DYNC2I1: variants seen among roughly 807,000 people sequenced by gnomAD.
DYNC2I1 encodes the protein dynein 2 intermediate chain 1.
A neutral mutation model predicts 133.4 loss-of-function variants in DYNC2I1; 89 were observed. The observed-to-expected ratio is 0.67, with a 90% CI of 0.56 to 0.80. DYNC2I1 has a LOEUF of 0.80. DYNC2I1 is among the 30% of genes least tolerant of loss of function. The probability of loss-of-function intolerance (pLI) is 0.00; values close to 1 mark genes in which losing one functional copy is unlikely to be tolerated. For missense variants in DYNC2I1, 1,291 were observed against 1,314.5 expected, an observed-to-expected ratio of 0.98 and a Z score of 0.28; for synonymous variants, 504 against 484.3, an observed-to-expected ratio of 1.04 and a Z score of -0.54.
In DYNC2I1 at chr7:158,945,931, TC is replaced by T; in HGVS notation, c.*155del. On this transcript the variant is annotated 3_prime_UTR_variant, in exon 25 of 25. Transcript: ENST00000407559. This position sits in a 1 kb window ranked among gnomAD's most constrained non-coding sequence, Gnocchi z 4.1. ...TTTTACATGAATATGTCTTTGGTAT[TC>T]CCAGTAAATAGATGACTACTTTTGA... 1 of 744,248 alleles carries T rather than the reference TC, an allele frequency of 1.3e-6. No individual in the cohort carries two copies. Among genetic ancestry groups the T allele is most frequent in the Non-Finnish European group, 1.9e-6 (1 of 523,102 alleles). 46.1% of individuals were successfully genotyped at this position (744,248 alleles called of 1,614,324 possible).
chr7:158,887,135 C>T lies in DYNC2I1; in HGVS notation c.990+60C>T, dbSNP rs370611150. 2.4e-3 allele frequency: 3,633 copies of T among 1,545,560 alleles called. 9 individuals are homozygous for T. Among genetic ancestry groups the T allele is most frequent in the Non-Finnish European group, 2.8e-3 (3,110 of 1,120,844 alleles). ...ATGGTACATTGAGATTAACCATAAT[C>T]TTACTTTGGGCTTCCCCTTGAAACC... On this transcript the variant is annotated intron_variant, in intron 7 of 24. Coordinates refer to ENST00000407559, the MANE Select transcript of DYNC2I1 (RefSeq NM_018051.5).
Position 158,942,219 on chromosome 7 carries a change from T to G in DYNC2I1, c.3002+71T>G, listed in dbSNP as rs991601292. The G allele has an allele frequency of 4.0e-6, 5 of 1,254,178 alleles. No homozygotes were observed. In the African/African-American group the frequency reaches 7.6e-5, roughly 19 times the overall value. 77.7% of individuals were successfully genotyped at this position (1,254,178 alleles called of 1,614,324 possible). On this transcript the variant is annotated intron_variant, in intron 24 of 24. Coordinates refer to ENST00000407559, the MANE Select transcript of DYNC2I1 (RefSeq NM_018051.5). ...CGGCCACGGGTGCCACTTACGGTCT[T>G]TCTTCATTAATTTTTGCATGAGGCT...
At chr7:158,858,678 T>C (rs1417964075) in intron 1 of DYNC2I1, among the ~76,000 whole-genome samples, 1 of 152,156 alleles carries the variant, frequency 6.6e-6, no homozygotes, top group Admixed American at 6.5e-5. Flanking sequence ...AATTGTTTTC[T>C]AGACATGCAC....
intron 20 of DYNC2I1, 43 bp from the exon 21 acceptor site, chr7:158,930,412 C>T: frequency 1.3e-6 from 2 of 1,549,980 alleles, no homozygotes; most frequent in Non-Finnish European, 1.8e-6. Context: ...TTTGATTTAG[C>T]TTCTATTGAA....
At chr7:158,910,437 G>T (rs116503514) in intron 11 of DYNC2I1, among the ~76,000 whole-genome samples, 2,115 of 148,926 alleles carry the variant, frequency 0.014, 45 homozygotes, top group African/African-American at 0.05. Flanking sequence ...TCAGGCCTGT[G>T]GGCCGAGGGC....
At chr7:158,953,187 CCCT>C (rs1477131917) in intron 4 of DYNC2I1, among the ~76,000 whole-genome samples, 3 of 126,770 alleles carry the variant, frequency 2.4e-5, no homozygotes, top group African/African-American at 8.6e-5. Flanking sequence ...ACCCTCCTCG[CCCT>C]CCTCTCCTAA....
chr7:158,883,125 G>A (rs566865676), intron 5 of DYNC2I1, among the ~76,000 whole-genome samples: 2 of 151,826 alleles, frequency 1.3e-5, no homozygotes, highest in East Asian at 3.9e-4. Flanking sequence ...TAATAATTAC[G>A]CCAGGACAAC....
At chr7:158,848,694 G>T in the DYNC2I1 span, among the ~76,000 whole-genome samples, 1 of 152,138 alleles carries the variant, frequency 6.6e-6, no homozygotes, top group Non-Finnish European at 1.5e-5. Context: ...GGAGGCCGAG[G>T]CGGGCGGATC....
intron 9 of DYNC2I1, among the ~76,000 whole-genome samples, chr7:158,902,167 G>A (rs1177319725): frequency 6.6e-6 from 1 of 152,186 alleles, no homozygotes; most frequent in Non-Finnish European, 1.5e-5. Flanking sequence ...GTTCTGTATT[G>A]TGTGATTTAT....
intron 11 of DYNC2I1, among the ~76,000 whole-genome samples, chr7:158,909,319 A>C (rs1847148636): frequency 7.0e-6 from 1 of 142,636 alleles, no homozygotes; most frequent in African/African-American, 2.7e-5. Context: ...CGACAGAGCA[A>C]GACTCTGTCT....
chr7:158,867,549 A>G (rs923143641), intron 1 of DYNC2I1, among the ~76,000 whole-genome samples: 1 of 152,126 alleles, frequency 6.6e-6, no homozygotes, highest in East Asian at 1.9e-4. Flanking sequence ...GAGGCGCTCC[A>G]GGTGGCGGCG....
chr7:158,862,148 C>T (rs1841913777), intron 1 of DYNC2I1, among the ~76,000 whole-genome samples: 2 of 152,122 alleles, frequency 1.3e-5, no homozygotes, highest in African/African-American at 2.4e-5. Context: ...TCATTCCACT[C>T]TGTAATTCTG....
rs756947785 is a variant in DYNC2I1 at position 158,891,283 on chromosome 7, T to G, written c.1009T>G (p.Ser337Ala). The G allele has an allele frequency of 8.7e-5, 141 of 1,613,900 alleles. No individual in the cohort carries two copies. Among genetic ancestry groups the G allele is most frequent in the Non-Finnish European group, 1.2e-4 (140 of 1,179,902 alleles). The change falls in exon 8 of 25, where the codon TCT becomes GCT. Residue 337 changes from serine (S) to alanine (A), a missense_variant. By Grantham distance (99) the Ser-to-Ala change is moderately conservative. Transcript: ENST00000407559. ...SRRKHGHEEGSSVWWKLDQRP... is the reference protein window; with the variant it reads ...SRRKHGHEEGASVWWKLDQRP... ...CCATTAGCATGGCCACGAGGAAGGC[T>G]CTTCTGTGTGGTGGAAGCTGGACCA...
At chr7:158,893,951 CT>C (rs1269515102) in intron 8 of DYNC2I1, among the ~76,000 whole-genome samples, 1 of 152,058 alleles carries the variant, frequency 6.6e-6, no homozygotes, top group East Asian at 1.9e-4. Context: ...TACTGCACAT[CT>C]TACTGCATAT....
chr7:158,941,793 G>A, intron 23 of DYNC2I1, 132 bp from the exon 24 acceptor site: 6 of 991,774 alleles, frequency 6.0e-6, no homozygotes, highest in Non-Finnish European at 9.0e-6. Context: ...CAGGAGGATT[G>A]ATTGAGCCCG....
intron 5 of DYNC2I1, among the ~76,000 whole-genome samples, chr7:158,883,295 G>A (rs1054839305): frequency 1.3e-5 from 2 of 149,194 alleles, no homozygotes. Flanking sequence ...TTGGCTCACT[G>A]CAGCCTCCGC....
intron 17 of DYNC2I1, among the ~76,000 whole-genome samples, chr7:158,924,743 C>T (rs1283096976): frequency 6.6e-6 from 1 of 152,152 alleles, no homozygotes; most frequent in Non-Finnish European, 1.5e-5. Flanking sequence ...ATAAATTATT[C>T]CATTAAAATA....
At chr7:158,857,547 T>TG (rs1175292078) in intron 1 of DYNC2I1, among the ~76,000 whole-genome samples, 1 of 148,928 alleles carries the variant, frequency 6.7e-6, no homozygotes, top group African/African-American at 2.5e-5. Flanking sequence ...TTTGTTTTTT[T>TG]TTTTTTTTTG....
chr7:158,912,383 A>G (rs1847568901), intron 12 of DYNC2I1, among the ~76,000 whole-genome samples: 1 of 152,210 alleles, frequency 6.6e-6, no homozygotes, highest in Non-Finnish European at 1.5e-5. Flanking sequence ...GGTACACTCA[A>G]TAAAATCCTT....
Sources: allele counts gnomAD v4.1 joint callset (sites outside exome capture counted in the v4.1 genomes callset), GRCh38; gene constraint gnomAD v4.1.1; non-coding constraint Gnocchi (gnomAD v3.1); transcripts MANE v1.5; gene names NCBI Gene and HGNC (gene_info 2026-07-23, HGNC 2026-07-21).